ENTREP2: variants seen among roughly 807,000 people sequenced by gnomAD.
ENTREP2 encodes the protein protein ENTREP2.
chr15:29,313,511 A>G, the ENTREP2 span, among the ~76,000 whole-genome samples: 1 of 152,230 alleles, frequency 6.6e-6, no homozygotes, highest in African/African-American at 2.4e-5. Context: ...CCTGTGCACT[A>G]GAACTAGCCC....
chr15:29,380,310 C>T, the ENTREP2 span, among the ~76,000 whole-genome samples: 4 of 152,128 alleles, frequency 2.6e-5, no homozygotes, highest in Non-Finnish European at 2.9e-5. Flanking sequence ...CATTTCAGGG[C>T]GTCATGGTTA....
the ENTREP2 span, among the ~76,000 whole-genome samples, chr15:29,527,745 C>T: frequency 6.6e-6 from 1 of 152,098 alleles, no homozygotes; most frequent in East Asian, 1.9e-4. Flanking sequence ...TAAACACACA[C>T]ACAACACACA....
chr15:29,139,197 G>C, the ENTREP2 span, among the ~76,000 whole-genome samples: 45 of 152,206 alleles, frequency 3.0e-4, no homozygotes, highest in Admixed American at 9.2e-4. Flanking sequence ...GGTTGACGAA[G>C]AAAGGCTGGT....
At chr15:29,360,760 T>C in the ENTREP2 span, among the ~76,000 whole-genome samples, 2 of 152,078 alleles carry the variant, frequency 1.3e-5, no homozygotes, top group South Asian at 4.2e-4. Context: ...TAGCAGCAGG[T>C]GATTATTCAG....
At chr15:29,586,397 G>A in the ENTREP2 span, among the ~76,000 whole-genome samples, 1 of 152,168 alleles carries the variant, frequency 6.6e-6, no homozygotes, top group Non-Finnish European at 1.5e-5. Context: ...GATGGTTGCA[G>A]AACTCTGTGA....
the ENTREP2 span, among the ~76,000 whole-genome samples, chr15:29,518,913 C>T: frequency 6.6e-6 from 1 of 152,120 alleles, no homozygotes. Context: ...AGAGGAACTG[C>T]TAACTCTTTT....
the ENTREP2 span, among the ~76,000 whole-genome samples, chr15:29,372,225 C>T: frequency 1.3e-5 from 2 of 152,302 alleles, no homozygotes; most frequent in African/African-American, 4.8e-5. Context: ...CCTCTTCCTC[C>T]TCCTCCTCAG....
chr15:29,661,184 G>A, the ENTREP2 span, among the ~76,000 whole-genome samples: 4 of 152,152 alleles, frequency 2.6e-5, no homozygotes, highest in African/African-American at 9.7e-5. Flanking sequence ...CATCCTCTGA[G>A]AAGATTTTTT....
chr15:29,119,633 TA>T, the ENTREP2 span, among the ~76,000 whole-genome samples: 335 of 89,720 alleles, frequency 3.7e-3, 48 homozygotes, highest in African/African-American at 0.018. Flanking sequence ...AATAAATAAA[TA>T]AAATAAAATA....
chr15:29,330,362 C>A, the ENTREP2 span, among the ~76,000 whole-genome samples: 4 of 151,856 alleles, frequency 2.6e-5, no homozygotes, highest in Non-Finnish European at 5.9e-5. Context: ...GGCAGGAGAA[C>A]CGTTTGAACC....
At chr15:29,214,340 CATGCAATACT>C in the ENTREP2 span, among the ~76,000 whole-genome samples, 2 of 152,154 alleles carry the variant, frequency 1.3e-5, no homozygotes, top group East Asian at 3.8e-4. Flanking sequence ...ACATATACAC[CATGCAATACT>C]ATGCAGCCAT....
chr15:29,213,419 A>G, the ENTREP2 span, among the ~76,000 whole-genome samples: 1 of 152,180 alleles, frequency 6.6e-6, no homozygotes, highest in East Asian at 1.9e-4. Context: ...CTTCTTATCC[A>G]TGAGCATGGA....
At chr15:29,385,302 G>A in the ENTREP2 span, among the ~76,000 whole-genome samples, 2 of 152,192 alleles carry the variant, frequency 1.3e-5, no homozygotes, top group South Asian at 4.2e-4. Context: ...TAAGCTACAG[G>A]GAGAGTTCTT....
the ENTREP2 span, among the ~76,000 whole-genome samples, chr15:29,611,835 A>T: frequency 6.6e-6 from 1 of 152,138 alleles, no homozygotes; most frequent in Non-Finnish European, 1.5e-5. Flanking sequence ...AGCTTCTTTG[A>T]GCAACTAACA....
At chr15:29,137,125 T>C in the ENTREP2 span, 1 of 1,475,128 alleles carries the variant, frequency 6.8e-7, no homozygotes, top group Non-Finnish European at 8.9e-7. Context: ...AAATCCAGGG[T>C]CTGGTGGAGA....
chr15:29,457,136 G>A, the ENTREP2 span, among the ~76,000 whole-genome samples: 1 of 152,146 alleles, frequency 6.6e-6, no homozygotes, highest in Non-Finnish European at 1.5e-5. Flanking sequence ...TCAAAAAGGA[G>A]CACGACTTCC....
the ENTREP2 span, among the ~76,000 whole-genome samples, chr15:29,643,648 G>T: frequency 6.6e-6 from 1 of 151,338 alleles, no homozygotes; most frequent in Non-Finnish European, 1.5e-5. Flanking sequence ...CGGGCATGGT[G>T]GTGAGCACCT....
At chr15:29,136,346 T>C in the ENTREP2 span, 1 of 1,479,364 alleles carries the variant, frequency 6.8e-7, no homozygotes, top group Non-Finnish European at 8.9e-7. Flanking sequence ...ACTGGCTTTG[T>C]CTGGGGCCCC....
At chr15:29,526,127 G>A in the ENTREP2 span, among the ~76,000 whole-genome samples, 2 of 152,154 alleles carry the variant, frequency 1.3e-5, no homozygotes, top group African/African-American at 2.4e-5. Context: ...AAGCTTGGAT[G>A]CAAAAAGTAA....
Sources: gnomAD v4.1 joint callset for allele counts (sites outside exome capture counted in the v4.1 genomes callset) on GRCh38, gnomAD v4.1.1 for gene constraint, MANE v1.5 for transcripts, NCBI Gene and HGNC (gene_info 2026-07-23, HGNC 2026-07-21) for gene names.